The following ANXA6 variants were observed in gnomAD, a reference collection of about 807,000 sequenced individuals.
ANXA6 encodes 67 kDa calelectrin.
In ANXA6, 71 loss-of-function variants were observed where a neutral mutation model predicts 95.4. The ratio of observed to expected loss-of-function variants is 0.74; its 90% CI spans 0.61 to 0.91. The LOEUF (loss-of-function observed/expected upper bound fraction) is 0.91, where lower values mean the gene tolerates loss of function less well. Ranked by LOEUF, ANXA6 falls within the 40% of genes least tolerant of loss-of-function variation. The probability of loss-of-function intolerance (pLI) is 0.00; values close to 1 mark genes in which losing one functional copy is unlikely to be tolerated. For synonymous variants in ANXA6, 289 were observed against 315.9 expected (o/e 0.91, Z 0.90); for missense variants, 830 against 876.4 (o/e 0.95, Z 0.67).
At chr5:151,126,300 G>T (rs2113922376) in intron 14 of ANXA6, 102 bp downstream of exon 14, 1 of 968,238 alleles carries the variant, frequency 1.0e-6, no homozygotes, top group Non-Finnish European at 1.6e-6. Context: ...AACGTGTCGG[G>T]TTGGCCGCCA....
chr5:151,148,305 G>A (rs1471461641), intron 1 of ANXA6, among the ~76,000 whole-genome samples: 1 of 152,156 alleles, frequency 6.6e-6, no homozygotes, highest in Non-Finnish European at 1.5e-5. Context: ...ACTGAGGCTG[G>A]AGCATCGCAA....
At chr5:151,105,601 G>C (rs1351104500) in intron 23 of ANXA6, among the ~76,000 whole-genome samples, 1 of 152,114 alleles carries the variant, frequency 6.6e-6, no homozygotes, top group African/African-American at 2.4e-5. Flanking sequence ...CCCAAGGCAC[G>C]GGGCCTCAAA....
intron 13 of ANXA6, 93 bp downstream of exon 13, chr5:151,128,088 C>A: frequency 1.8e-6 from 2 of 1,109,760 alleles, no homozygotes; most frequent in South Asian, 1.3e-5. Flanking sequence ...ATCCCCAGCT[C>A]ATCCAATCCA....
Position 151,134,431 on chromosome 5 carries a change from A to G in ANXA6, c.542T>C (p.Val181Ala), listed in dbSNP as rs1289057513. The G allele has an allele frequency of 7.4e-6, 12 of 1,613,876 alleles. No individual in the cohort carries two copies. Among genetic ancestry groups the G allele is most frequent in the Non-Finnish European group, 9.3e-6 (11 of 1,179,838 alleles). Residue 181 changes from valine (V) to alanine (A), a missense_variant, in exon 8 of 26, where the codon GTC becomes GCC. By Grantham distance (64) the Val-to-Ala change is moderately conservative. Transcript: ENST00000354546. ...CTTTCAGTGGTGCTTGTTTACCTGG[A>G]CATCCTGTTGTACCAGGTCCTCGCT... ...VVSEDLVQQD[V>A]QDLYEAGELK...
Position 151,139,454 on chromosome 5 carries a change from T to A in ANXA6, c.110-7A>T. 4 of 1,606,524 alleles carry A rather than the reference T, an allele frequency of 2.5e-6. No individual in the cohort carries two copies. Among genetic ancestry groups the A allele is most frequent in the Non-Finnish European group, 3.4e-6 (4 of 1,173,498 alleles). ...ATGGCCTCCTTGTCACTGCCTGGAA[T>A]AGGGGAGAGCAATCATCATCCTACC... On this transcript the variant is annotated splice_polypyrimidine_tract_variant and splice_region_variant and intron_variant, in intron 3 of 25. Coordinates refer to ENST00000354546, the MANE Select transcript of ANXA6 (RefSeq NM_001155.5).
chr5:151,122,111 C>A (rs1345551671), intron 17 of ANXA6, 36 bp downstream of exon 17: 3 of 1,405,018 alleles, frequency 2.1e-6, no homozygotes, highest in Non-Finnish European at 1.9e-6. Flanking sequence ...CCTATTGGCA[C>A]CCGCAGACAC....
chr5:151,134,161 C>G (rs1765593474), intron 8 of ANXA6, among the ~76,000 whole-genome samples: 1 of 152,238 alleles, frequency 6.6e-6, no homozygotes, highest in Admixed American at 6.5e-5. Context: ...AGGTATTTTA[C>G]TTCAATAATA....
intron 2 of ANXA6, among the ~76,000 whole-genome samples, chr5:151,144,515 G>A (rs1380573708): frequency 4.6e-5 from 7 of 152,084 alleles, no homozygotes; most frequent in Admixed American, 3.3e-4. Flanking sequence ...GTAAGCTGCC[G>A]GGAAGGGATG....
chr5:151,110,780 G>A, intron 20 of ANXA6, 136 bp from the exon 21 acceptor site: 1 of 856,516 alleles, frequency 1.2e-6, no homozygotes, highest in Non-Finnish European at 1.9e-6. Context: ...AGAGACCTGA[G>A]AGAACCCGGG....
intron 19 of ANXA6, among the ~76,000 whole-genome samples, 167 bp from the exon 20 acceptor site, chr5:151,117,347 G>A (rs1765030408): frequency 6.6e-6 from 1 of 152,206 alleles, no homozygotes; most frequent in African/African-American, 2.4e-5. Flanking sequence ...GTCATTAACT[G>A]AGAATGTGTG....
intron 24 of ANXA6, among the ~76,000 whole-genome samples, chr5:151,104,131 A>G (rs1487582889): frequency 3.9e-5 from 6 of 152,338 alleles, no homozygotes; most frequent in Middle Eastern, 3.4e-3. Flanking sequence ...GGAAACACCA[A>G]GGACTTCTGG....
At chr5:151,116,956 C>A (rs951433037) in intron 20 of ANXA6, among the ~76,000 whole-genome samples, 171 bp downstream of exon 20, 14 of 152,210 alleles carry the variant, frequency 9.2e-5, no homozygotes, top group Non-Finnish European at 8.8e-5. Flanking sequence ...GTAATACCAG[C>A]ACCACACTTC....
intron 21 of ANXA6, among the ~76,000 whole-genome samples, chr5:151,110,380 G>A (rs1304960921): frequency 6.6e-6 from 1 of 152,258 alleles, no homozygotes; most frequent in Non-Finnish European, 1.5e-5. Context: ...GGGTTTAAGA[G>A]TGAGTCGATT....
At chr5:151,101,991 G>A (rs112816229) in intron 25 of ANXA6, among the ~76,000 whole-genome samples, 17 of 152,320 alleles carry the variant, frequency 1.1e-4, no homozygotes, top group East Asian at 1.9e-4. Flanking sequence ...TTGGCATATC[G>A]TGTTAGGTGA....
chr5:151,119,345 G>A lies in ANXA6; in HGVS notation c.1393C>T (p.Arg465Trp), dbSNP rs768920594. 9 of 1,613,660 alleles carry A rather than the reference G, an allele frequency of 5.6e-6. No individual in the cohort carries two copies. Among genetic ancestry groups the A allele is most frequent in the East Asian group, 2.2e-5 (1 of 44,878 alleles). The change falls in exon 18 of 26, where the codon CGG becomes TGG. Residue 465 changes from arginine (R) to tryptophan (W), a missense_variant. By Grantham distance (101) the Arg-to-Trp change is moderately radical. Coordinates refer to ENST00000354546, the MANE Select transcript of ANXA6 (RefSeq NM_001155.5). ...EKALIEILAT[R>W]TNAEIRAINE... ...ATGGCCCGGATTTCAGCATTGGTCC[G>A]AGTGGCCAGGATTTCAATAAGAGCC...
At chr5:151,134,311 T>G in intron 8 of ANXA6, 116 bp downstream of exon 8, 421 of 974,512 alleles carry the variant, frequency 4.3e-4, no homozygotes, top group East Asian at 2.2e-4. Context: ...TGTGGCTGGG[T>G]TATTTCTGGT....
At position 151,128,190 on chromosome 5, in the gene ANXA6, C is replaced by G. The variant is rs780502990; in HGVS notation, c.968G>C (p.Gly323Ala). Reference sequence around the variant, plus strand: ...CCAAGAAGCCACTTACTCATCATCTCCCCCAGACAGCTTCAGCAGAGTCTT... The same window carrying G: ...CCAAGAAGCCACTTACTCATCATCTGCCCCAGACAGCTTCAGCAGAGTCTT... The part of the protein sequence containing the change: ...YKKTLLKLSG[G>A]DDDAAGQFFP... Residue 323 changes from glycine (G) to alanine (A), a missense_variant, in exon 13 of 26, where the codon GGA becomes GCA. Physicochemically the swap from Gly to Ala is moderately conservative, Grantham distance 60. Transcript: ENST00000354546. 4 of 1,612,142 alleles carry G rather than the reference C, an allele frequency of 2.5e-6. No individual in the cohort carries two copies. The East Asian group carries it at 8.9e-5, about 36-fold the overall frequency.
chr5:151,145,117 T>C (rs895003452), intron 2 of ANXA6, among the ~76,000 whole-genome samples: 3 of 152,182 alleles, frequency 2.0e-5, no homozygotes, highest in Non-Finnish European at 2.9e-5. Context: ...GAAGGGACTT[T>C]CCACCCTGAA....
intron 1 of ANXA6, among the ~76,000 whole-genome samples, chr5:151,151,966 G>A (rs1766118970): frequency 6.6e-6 from 1 of 152,212 alleles, no homozygotes; most frequent in South Asian, 2.1e-4. Context: ...TTGTGCTGCT[G>A]TGGCCACCCC....
Sources: allele counts gnomAD v4.1 joint callset (sites outside exome capture counted in the v4.1 genomes callset), GRCh38; gene constraint gnomAD v4.1.1; transcripts MANE v1.5; gene names NCBI Gene and HGNC (gene_info 2026-07-23, HGNC 2026-07-21).